The following CAMK1D variants were observed in gnomAD, a reference collection of about 807,000 sequenced individuals.
CAMK1D encodes calcium/calmodulin-dependent protein kinase type 1D.
A neutral mutation model predicts 47.7 loss-of-function variants in CAMK1D; 9 were observed. The ratio of observed to expected loss-of-function variants is 0.19; its 90% CI spans 0.11 to 0.33. CAMK1D has a LOEUF of 0.33. Among genes scored for constraint, CAMK1D ranks in the 10% least tolerant of loss-of-function variants. CAMK1D has a pLI of 1.00. For missense variants in CAMK1D, 291 were observed against 488.7 expected (o/e 0.60, Z 3.81); for synonymous variants, 184 against 184.9 (o/e 0.99, Z 0.04).
At chr10:12,505,692 C>T (rs1834848272) in intron 1 of CAMK1D, among the ~76,000 whole-genome samples, 1 of 152,228 alleles carries the variant, frequency 6.6e-6, no homozygotes, top group African/African-American at 2.4e-5. Context: ...AATCTGTTTT[C>T]TGAGAATTTA....
intron 1 of CAMK1D, among the ~76,000 whole-genome samples, chr10:12,482,726 A>G (rs1834101559): frequency 6.6e-6 from 1 of 152,180 alleles, no homozygotes; most frequent in East Asian, 1.9e-4. Context: ...TGTTATGCAC[A>G]TGTAATTGCA....
chr10:12,726,591 C>T (rs926605952), intron 3 of CAMK1D, among the ~76,000 whole-genome samples: 6 of 152,132 alleles, frequency 3.9e-5, no homozygotes, highest in East Asian at 3.9e-4. Context: ...GACATGCCAT[C>T]GTTGTTATTA....
intron 5 of CAMK1D, among the ~76,000 whole-genome samples, chr10:12,776,337 C>T (rs908373915): frequency 6.6e-6 from 1 of 152,178 alleles, no homozygotes; most frequent in Non-Finnish European, 1.5e-5. Flanking sequence ...GTGGGATGAA[C>T]AGATTGCAGA....
chr10:12,435,551 T>C (rs1832610334), intron 1 of CAMK1D, among the ~76,000 whole-genome samples: 1 of 146,510 alleles, frequency 6.8e-6, no homozygotes, highest in African/African-American at 2.8e-5. Flanking sequence ...GCAGCCTGTC[T>C]GTTGGCAGCT....
At chr10:12,477,576 C>T (rs7920524) in intron 1 of CAMK1D, among the ~76,000 whole-genome samples, 39,945 of 151,980 alleles carry the variant, frequency 0.26, 6,390 homozygotes, top group East Asian at 0.55. Flanking sequence ...GCAGGAAGAA[C>T]GGGATTTAGG....
intron 1 of CAMK1D, among the ~76,000 whole-genome samples, chr10:12,452,164 G>A (rs895950334): frequency 6.6e-6 from 1 of 152,086 alleles, no homozygotes; most frequent in Admixed American, 6.5e-5. Context: ...AGCAGCGTAT[G>A]GAACCCGACA....
At chr10:12,537,789 G>T (rs774186411) in intron 1 of CAMK1D, among the ~76,000 whole-genome samples, 1 of 152,038 alleles carries the variant, frequency 6.6e-6, no homozygotes. Flanking sequence ...TCCCCTTTCC[G>T]CTGAGACTTT....
At chr10:12,376,709 T>C (rs1327215541) in intron 1 of CAMK1D, among the ~76,000 whole-genome samples, 1 of 152,066 alleles carries the variant, frequency 6.6e-6, no homozygotes, top group South Asian at 2.1e-4. Context: ...TGAGAAACCT[T>C]TGTGCTGACA....
At chr10:12,699,374 G>A (rs1395561501) in intron 3 of CAMK1D, among the ~76,000 whole-genome samples, 1 of 152,070 alleles carries the variant, frequency 6.6e-6, no homozygotes, top group African/African-American at 2.4e-5. Flanking sequence ...GGGAAAAAGC[G>A]TTGTACTGGG....
chr10:12,709,136 G>A (rs1262262571), intron 3 of CAMK1D, among the ~76,000 whole-genome samples: 1 of 152,190 alleles, frequency 6.6e-6, no homozygotes, highest in Admixed American at 6.5e-5. Context: ...TATGTGGGGG[G>A]CGGGTGAGAA....
intron 3 of CAMK1D, among the ~76,000 whole-genome samples, chr10:12,757,852 C>CTTTTTTTTT: frequency 2.2e-5 from 2 of 91,460 alleles, no homozygotes; most frequent in Non-Finnish European, 4.2e-5. Context: ...GGGCCCTGCT[C>CTTTTTTTTT]TTTTTTTTTT....
intron 2 of CAMK1D, among the ~76,000 whole-genome samples, chr10:12,600,134 G>A (rs1838258056): frequency 6.6e-6 from 1 of 151,958 alleles, no homozygotes; most frequent in Admixed American, 6.6e-5. Context: ...AAGGAGGGTG[G>A]GAAGAAGGAA....
chr10:12,387,463 A>ATATATATATATATATG, intron 1 of CAMK1D, among the ~76,000 whole-genome samples: 1 of 130,516 alleles, frequency 7.7e-6, no homozygotes, highest in South Asian at 2.3e-4. Context: ...ATATATATAT[A>ATATATATATATATATG]TAGACATTGT....
chr10:12,486,526 C>T (rs1292394657), intron 1 of CAMK1D, among the ~76,000 whole-genome samples: 2 of 81,748 alleles, frequency 2.4e-5, no homozygotes, highest in Non-Finnish European at 5.0e-5. Context: ...TGCATGTGTG[C>T]GCGTGCACAC....
At chr10:12,695,060 A>ATACATAGG (rs1554811993) in intron 3 of CAMK1D, among the ~76,000 whole-genome samples, 2,442 of 85,904 alleles carry the variant, frequency 0.028, 20 homozygotes, top group East Asian at 0.058. Context: ...AGATAGATAG[A>ATACATAGG]TAGATACATA....
chr10:12,675,071 G>A lies in CAMK1D; in HGVS notation c.299+8261G>A, dbSNP rs551522762. Among the ~76,000 whole-genome samples the A allele has an allele frequency of 6.7e-5, 10 of 149,888 alleles. No homozygotes were observed. The South Asian group carries it at 1.3e-3, about 19-fold the overall frequency. On this transcript the variant is annotated intron_variant, in intron 3 of 10. Coordinates refer to ENST00000619168, the MANE Select transcript of CAMK1D (RefSeq NM_153498.4). ...AAAAAGAACATTAGTCCATATATTC[G>A]GAGATAAGAAAGGACACTGCCTCAA...
At chr10:12,727,828 C>T (rs1196728652) in intron 3 of CAMK1D, among the ~76,000 whole-genome samples, 1 of 150,996 alleles carries the variant, frequency 6.6e-6, no homozygotes, top group Admixed American at 6.6e-5. Context: ...CAGGGGCGCG[C>T]GATCTCAGTT....
chr10:12,457,861 G>A (rs2399849), intron 1 of CAMK1D, among the ~76,000 whole-genome samples: 27,330 of 151,700 alleles, frequency 0.18, 2,689 homozygotes, highest in South Asian at 0.26. Context: ...AAGAAACACT[G>A]GAAGGATAAA....
intron 3 of CAMK1D, among the ~76,000 whole-genome samples, chr10:12,706,321 C>T (rs547542527): frequency 5.9e-5 from 9 of 152,102 alleles, no homozygotes; most frequent in Admixed American, 1.3e-4. Context: ...ATTTTCAGAC[C>T]GCAGTTGACG....
Sources: allele counts gnomAD v4.1 joint callset (sites outside exome capture counted in the v4.1 genomes callset), GRCh38; gene constraint gnomAD v4.1.1; transcripts MANE v1.5; gene names NCBI Gene and HGNC (gene_info 2026-07-23, HGNC 2026-07-21).